Variants in TSPAN9 observed in about 807,000 individuals in gnomAD.
TSPAN9 encodes the protein tetraspanin-9.
In TSPAN9, 16 loss-of-function variants were observed where a neutral mutation model predicts 31.0. That is an observed-to-expected ratio of 0.52 (90% CI 0.35 to 0.78). The LOEUF (loss-of-function observed/expected upper bound fraction) is 0.78. Ranked by LOEUF, TSPAN9 falls within the 30% of genes least tolerant of loss-of-function variation. TSPAN9 has a pLI of 0.01. For missense variants in TSPAN9, 272 were observed against 312.5 expected (o/e 0.87, Z 0.98); for synonymous variants, 145 against 121.6 (o/e 1.19, Z -1.27).
chr12:3,180,377 C>T (rs2098358042), intron 2 of TSPAN9, among the ~76,000 whole-genome samples: 1 of 151,934 alleles, frequency 6.6e-6, no homozygotes, highest in Admixed American at 6.6e-5. Flanking sequence ...GTAGTTCTAG[C>T]TACTCAGGAG....
chr12:3,202,181 G>A (rs1348000328), intron 3 of TSPAN9, among the ~76,000 whole-genome samples: 2 of 152,190 alleles, frequency 1.3e-5, no homozygotes, highest in Admixed American at 6.5e-5. Flanking sequence ...AATTCATCTC[G>A]AATCGTTCCT....
rs1026365978 is a variant in TSPAN9 at position 3,285,697 on chromosome 12, A to C, written c.*2581A>C. The C allele has an allele frequency of 3.9e-5, 6 of 152,154 alleles. No individual in the cohort carries two copies. The highest frequency in any genetic ancestry group is 7.3e-5 in the Non-Finnish European group (5 of 68,040). The allele number at this position is 152,154 out of a possible 1,614,324, so 9.4% of individuals were successfully genotyped here. On this transcript the variant is annotated 3_prime_UTR_variant, in exon 9 of 9. Transcript: ENST00000011898. ...CACTGGGGTAGAATTCCCCTGAGAG[A>C]ATTCCCTCACTCACGGCTCCCTTTG... is the stretch of plus-strand genomic sequence containing the variant.
At chr12:3,230,611 G>T (rs946763562) in intron 3 of TSPAN9, among the ~76,000 whole-genome samples, 3 of 152,268 alleles carry the variant, frequency 2.0e-5, no homozygotes, top group East Asian at 3.9e-4. Context: ...CTTCTAAAGT[G>T]GGGGTGGCAA....
At chr12:3,206,999 G>T (rs2098375602) in intron 3 of TSPAN9, among the ~76,000 whole-genome samples, 1 of 152,108 alleles carries the variant, frequency 6.6e-6, no homozygotes, top group Admixed American at 6.6e-5. Context: ...GTCCAAGGGG[G>T]AGACAGCACC....
rs1226380985 is a variant in TSPAN9, at chr12:3,109,268, C to CTGTGTGTGTGTGTGTG, written c.-18+25566_-18+25581dup. Reference sequence around the variant, plus strand: ...AGGATTCTTTACTGTTTCATATAGTCTGTGTGTGTGTGTGTGTGTGTGTGT... The same window carrying CTGTGTGTGTGTGTGTG: ...AGGATTCTTTACTGTTTCATATAGTCTGTGTGTGTGTGTGTGTGTGTGTGTGTGTGTGTGTGTGTGT... On this transcript the variant is annotated intron_variant, in intron 2 of 8. Coordinates refer to ENST00000011898, the MANE Select transcript of TSPAN9 (RefSeq NM_006675.5). 2.9e-3 allele frequency among the ~76,000 whole-genome samples: 350 copies of CTGTGTGTGTGTGTGTG among 119,326 alleles called. 1 individual carries two copies. The highest frequency in any genetic ancestry group is 6.9e-3 in the African/African-American group (185 of 26,802). The allele number at this position is 119,326 out of a possible 152,430, so 78.3% of individuals were successfully genotyped here.
intron 2 of TSPAN9, among the ~76,000 whole-genome samples, chr12:3,106,088 G>A (rs74057537): frequency 0.039 from 5,870 of 151,676 alleles, 388 homozygotes; most frequent in African/African-American, 0.13. Flanking sequence ...GCTCTTGTGC[G>A]CGCACGCACA....
chr12:3,100,785 T>A (rs745966202), intron 2 of TSPAN9, among the ~76,000 whole-genome samples: 1 of 152,238 alleles, frequency 6.6e-6, no homozygotes, highest in Non-Finnish European at 1.5e-5. Context: ...ACTTAATTTA[T>A]CTAGCTTTGT....
At chr12:3,271,270 A>G (rs1045871660) in intron 3 of TSPAN9, among the ~76,000 whole-genome samples, 1 of 152,200 alleles carries the variant, frequency 6.6e-6, no homozygotes, top group Non-Finnish European at 1.5e-5. Flanking sequence ...GCTTGAAGTT[A>G]TGCACCAGCT....
At chr12:3,121,016 C>T (rs1418137984) in intron 2 of TSPAN9, among the ~76,000 whole-genome samples, 2 of 151,650 alleles carry the variant, frequency 1.3e-5, no homozygotes, top group Non-Finnish European at 2.9e-5. Flanking sequence ...GGCTCCTTTG[C>T]AGGTTGTGGC....
chr12:3,199,744 G>A (rs2098370119), intron 2 of TSPAN9, among the ~76,000 whole-genome samples: 1 of 152,142 alleles, frequency 6.6e-6, no homozygotes, highest in South Asian at 2.1e-4. Context: ...TGCGCGCCGA[G>A]GGGGCGGGGA....
At chr12:3,100,462 A>G (rs139267844) in intron 2 of TSPAN9, among the ~76,000 whole-genome samples, 2,558 of 152,306 alleles carry the variant, frequency 0.017, 77 homozygotes, top group African/African-American at 0.055. Context: ...AGCTGCCTCC[A>G]GGAAGTAAGC....
intron 3 of TSPAN9, among the ~76,000 whole-genome samples, chr12:3,265,800 G>A (rs1333075578): frequency 6.6e-6 from 1 of 152,212 alleles, no homozygotes; most frequent in East Asian, 1.9e-4. Flanking sequence ...TCTGTAGGAG[G>A]CAGGTAGAGG....
At chr12:3,105,365 C>T (rs1363484565) in intron 2 of TSPAN9, among the ~76,000 whole-genome samples, 2 of 150,878 alleles carry the variant, frequency 1.3e-5, no homozygotes, top group South Asian at 2.1e-4. Context: ...ACTTTCAGAA[C>T]GTCACTTCCA....
intron 2 of TSPAN9, among the ~76,000 whole-genome samples, chr12:3,109,625 C>T (rs56114238): frequency 0.077 from 11,600 of 151,250 alleles, 1,427 homozygotes; most frequent in African/African-American, 0.27. Flanking sequence ...TAGTGAAACC[C>T]GTCTCTACTA....
intron 2 of TSPAN9, among the ~76,000 whole-genome samples, chr12:3,093,782 C>T (rs757675830): frequency 5.3e-5 from 8 of 152,160 alleles, no homozygotes; most frequent in Non-Finnish European, 1.2e-4. Context: ...GAACCCCTGC[C>T]GTTAGATGTT....
intron 3 of TSPAN9, among the ~76,000 whole-genome samples, chr12:3,261,970 G>T (rs1392924452): frequency 6.6e-6 from 1 of 152,232 alleles, no homozygotes; most frequent in African/African-American, 2.4e-5. Flanking sequence ...GGCAGAGTCT[G>T]CAGGATTACA....
intron 3 of TSPAN9, among the ~76,000 whole-genome samples, chr12:3,242,056 C>T (rs1253887975): frequency 6.6e-6 from 1 of 152,218 alleles, no homozygotes; most frequent in African/African-American, 2.4e-5. Flanking sequence ...ATTCTTGCTC[C>T]CCGCCCACCC....
chr12:3,198,214 C>T lies in TSPAN9; in HGVS notation c.-17-2963C>T, dbSNP rs576750271. 6.8e-3 allele frequency among the ~76,000 whole-genome samples: 605 copies of T among 89,396 alleles called. 8 individuals are homozygous for T. The highest frequency in any genetic ancestry group is 0.012 in the African/African-American group (277 of 23,274). 58.6% of individuals were successfully genotyped at this position (89,396 alleles called of 152,430 possible). A position where few individuals can be genotyped will look rare whatever the true frequency, so the allele number is the denominator to read the frequency against. ...AGGCCACCACCAGCACAGGTCACCA[C>T]CAGCACAGGTCACCACCAGCACAGG... On this transcript the variant is annotated intron_variant, in intron 2 of 8. Coordinates refer to ENST00000011898, the MANE Select transcript of TSPAN9 (RefSeq NM_006675.5).
rs566395230 is a variant in TSPAN9, at chr12:3,107,335, G to T, written c.-18+23616G>T. Among the ~76,000 whole-genome samples the T allele has an allele frequency of 5.9e-5, 9 of 152,368 alleles. No homozygotes were observed. Among genetic ancestry groups the T allele is most frequent in the African/African-American group, 2.2e-4 (9 of 41,584 alleles). ...AAATCTGCGTGAAAACCTGAGGTCT[G>T]CCAGGCGGCACTGCAGGGGGCGGGA... On this transcript the variant is annotated intron_variant, in intron 2 of 8. Transcript: ENST00000011898. This position sits in a 1 kb window ranked among gnomAD's most constrained non-coding sequence, Gnocchi z 4.1.
Sources: allele counts gnomAD v4.1 joint callset (sites outside exome capture counted in the v4.1 genomes callset), GRCh38; gene constraint gnomAD v4.1.1; non-coding constraint Gnocchi (gnomAD v3.1); transcripts MANE v1.5; gene names NCBI Gene and HGNC (gene_info 2026-07-23, HGNC 2026-07-21).